The following GRIN2C variants were observed in gnomAD, a reference collection of about 807,000 sequenced individuals.
GRIN2C encodes the protein glutamate ionotropic receptor NMDA type subunit 2C.
GRIN2C carries 64 observed loss-of-function variants against 77.7 expected under a neutral mutation model. The observed-to-expected ratio is 0.82, with a 90% confidence interval of 0.67 to 1.01. GRIN2C has a LOEUF of 1.01. GRIN2C is among the 50% of genes least tolerant of loss of function. The pLI is 0.00. For synonymous variants in GRIN2C, 792 were observed against 643.4 expected, an observed-to-expected ratio of 1.23 and a Z score of -3.49; for missense variants, 1,549 against 1,486.0, an observed-to-expected ratio of 1.04 and a Z score of -0.70.
chr17:74,860,553 A>C (rs144620799), upstream of GRIN2C: 4 of 451,460 alleles, frequency 8.9e-6, 1 homozygote, highest in South Asian at 6.2e-5. Context: ...GAAACAGGAG[A>C]CTCGGGGCTT....
intron 1 of GRIN2C, among the ~76,000 whole-genome samples, chr17:74,856,481 C>CTTTT (rs35686686): frequency 0.056 from 7,583 of 135,180 alleles, 404 homozygotes; most frequent in South Asian, 0.16. Flanking sequence ...CTCTCTCTCT[C>CTTTT]TTTTTTTTTT....
chr17:74,860,522 C>T (rs2037927229), upstream of GRIN2C: 1 of 456,152 alleles, frequency 2.2e-6, no homozygotes, highest in Non-Finnish European at 4.4e-6. Flanking sequence ...CCGCGTGTCC[C>T]CGCCCTGCCC....
At chr17:74,845,119 AG>A (rs1180448765) in intron 11 of GRIN2C, among the ~76,000 whole-genome samples, 1 of 151,978 alleles carries the variant, frequency 6.6e-6, no homozygotes, top group Non-Finnish European at 1.5e-5. Flanking sequence ...TTGTAGAGAT[AG>A]GGTATCCCCA....
chr17:74,857,518 A>C (rs1022818245), intron 1 of GRIN2C, among the ~76,000 whole-genome samples: 2 of 152,194 alleles, frequency 1.3e-5, no homozygotes, highest in Admixed American at 1.3e-4. Context: ...GATCCTAGCC[A>C]TGCCATGCCA....
upstream of GRIN2C, chr17:74,861,393 A>C (rs976110854): frequency 6.6e-6 from 1 of 151,602 alleles, no homozygotes; most frequent in African/African-American, 2.4e-5. Context: ...GTTGGCGGCG[A>C]AGTTGGTGCC....
chr17:74,846,202 G>A lies in GRIN2C; in HGVS notation c.2214C>T (p.Gly738=). 1 of 1,614,174 alleles carries A rather than the reference G, an allele frequency of 6.2e-7. No individual in the cohort carries two copies. Among genetic ancestry groups the A allele is most frequent in the South Asian group, 1.1e-5 (1 of 91,080 alleles). ...TGACCAGCTTGCAGCCCTCGTCCTT[G>A]CCTGCCATGTAGTTGAGGACAGCAG... is the stretch of plus-strand genomic sequence containing the variant. ...YDAAVLNYMA[G]KDEGCKLVTI... is the part of the protein sequence containing the mutation. The change falls in exon 11 of 13, where the codon GGC becomes GGT. Residue 738 remains glycine, a synonymous_variant. Transcript: ENST00000293190. This position sits in a 1 kb window ranked among gnomAD's most constrained non-coding sequence, Gnocchi z 4.4.
Position 74,847,453 on chromosome 17 carries a change from T to C in GRIN2C, c.1856A>G (p.Asn619Ser). Residue 619 changes from asparagine to serine, a missense_variant, in exon 9 of 13, where the codon AAC (asparagine) becomes AGC (serine). Physicochemically the swap from Asn to Ser is conservative, Grantham distance 46. Coordinates refer to ENST00000293190, the MANE Select transcript of GRIN2C (RefSeq NM_000835.6). The surrounding 1 kb of genome is among the most constrained non-coding windows in gnomAD (Gnocchi z 5.2). ...GATCTTGCTGGTGGTGCCCCGCGGG[T>C]TCTCGATGGGCACTGAGTTGTTGAA... ...LVFNNSVPIENPRGTTSKIMV... is the reference protein window; with the variant it reads ...LVFNNSVPIESPRGTTSKIMV... The C allele has an allele frequency of 1.9e-6, 3 of 1,613,450 alleles. No individual in the cohort carries two copies. The South Asian group carries it at 3.3e-5, about 18-fold the overall frequency.
chr17:74,857,848 A>G (rs1398464390), intron 1 of GRIN2C, among the ~76,000 whole-genome samples: 1 of 152,248 alleles, frequency 6.6e-6, no homozygotes, highest in African/African-American at 2.4e-5. Context: ...CAACAGGGAA[A>G]AAGAATGTAA....
chr17:74,859,516 C>T lies in GRIN2C; in HGVS notation c.-16+228G>A, dbSNP rs1290778653. On this transcript the variant is annotated intron_variant, in intron 1 of 12. Transcript: ENST00000293190. The surrounding 1 kb of genome is among the most constrained non-coding windows in gnomAD (Gnocchi z 5.9). ...AGAACCCCCGGACCCCCTGCCCTTCCGGTGAGCCGCCCCTCCTTTGCCGTC... is the reference window on the plus strand; with the variant it reads ...AGAACCCCCGGACCCCCTGCCCTTCTGGTGAGCCGCCCCTCCTTTGCCGTC... Among the ~76,000 whole-genome samples, 3 of 152,134 alleles carry T rather than the reference C, an allele frequency of 2.0e-5. No homozygotes were observed. The highest frequency in any genetic ancestry group is 7.2e-5 in the African/African-American group (3 of 41,422).
chr17:74,843,513 C>T lies in GRIN2C; in HGVS notation c.2624G>A (p.Ser875Asn). The T allele has an allele frequency of 6.5e-7, 1 of 1,533,458 alleles. No individual in the cohort carries two copies. The highest frequency in any genetic ancestry group is 8.7e-7 in the Non-Finnish European group (1 of 1,146,454). 95.0% of individuals were successfully genotyped at this position (1,533,458 alleles called of 1,614,324 possible). ...SCFSGVQSLA[S>N]PPRQASPDLT... ...GTCCGGGCTGGCCTGCCGCGGTGGGCTGGCGAGGCTCTGCACCCCGCTGAA... is the reference window on the plus strand; with the variant it reads ...GTCCGGGCTGGCCTGCCGCGGTGGGTTGGCGAGGCTCTGCACCCCGCTGAA... Residue 875 changes from serine to asparagine, a missense_variant, in exon 13 of 13, where the codon AGC becomes AAC. By Grantham distance (46) the Ser-to-Asn change is conservative. Coordinates refer to ENST00000293190, the MANE Select transcript of GRIN2C (RefSeq NM_000835.6).
Position 74,842,353 on chromosome 17 carries a change from A to G in GRIN2C, c.*82T>C. 1 of 687,970 alleles carries G rather than the reference A, an allele frequency of 1.5e-6. No homozygotes were observed. The highest frequency in any genetic ancestry group is 2.7e-6 in the Non-Finnish European group (1 of 374,320). 42.6% of individuals were successfully genotyped at this position (687,970 alleles called of 1,614,324 possible). A position where few individuals can be genotyped will look rare whatever the true frequency, so the allele number is the denominator to read the frequency against. ...CCAGGATTTCATGGCAGAAGCCAGA[A>G]AAGCCCAATCCTGCCTGCCGCTTAA... On this transcript the variant is annotated 3_prime_UTR_variant, in exon 13 of 13. Coordinates refer to ENST00000293190, the MANE Select transcript of GRIN2C (RefSeq NM_000835.6).
chr17:74,844,241 A>G lies in GRIN2C; in HGVS notation c.2583+35T>C, dbSNP rs148627254. 8 of 1,609,842 alleles carry G rather than the reference A, an allele frequency of 5.0e-6. No individual in the cohort carries two copies. The East Asian group carries it at 1.8e-4, about 36-fold the overall frequency. On this transcript the variant is annotated intron_variant, in intron 12 of 12. Transcript: ENST00000293190. ...GACTTATCTGGGTAGGTGCCCTTAA[A>G]ACTTTGGCCTGTGTGGGGAGGGGTG... is the stretch of plus-strand genomic sequence containing the variant.
intron 12 of GRIN2C, 136 bp downstream of exon 12, chr17:74,844,140 T>C (rs1312716333): frequency 1.4e-6 from 2 of 1,449,844 alleles, no homozygotes; most frequent in South Asian, 1.4e-5. Flanking sequence ...TCTCAAAGTG[T>C]TGAGATTACA....
rs2037573379 is a variant in GRIN2C, at chr17:74,849,764, C to T, written c.1645+16G>A. 1 of 1,606,468 alleles carries T rather than the reference C, an allele frequency of 6.2e-7. No individual in the cohort carries two copies. Among genetic ancestry groups the T allele is most frequent in the Non-Finnish European group, 8.5e-7 (1 of 1,178,150 alleles). ...CCTCTGCCCCCGGAGCCGTCTCTGC[C>T]CACCCTGGGCCTCACCCAAGAAGGC... On this transcript the variant is annotated intron_variant, in intron 7 of 12. Transcript: ENST00000293190. This position sits in a 1 kb window ranked among gnomAD's most constrained non-coding sequence, Gnocchi z 4.6.
chr17:74,852,072 C>T lies in GRIN2C; in HGVS notation c.939G>A (p.Pro313=). The change falls in exon 3 of 13, where the codon CCG becomes CCA. Residue 313 remains proline, a synonymous_variant. Transcript: ENST00000293190. The part of the protein sequence containing the change: ...YWRQHGTLPA[P]AGDCRVHPGP... ...CAGGGTGAACACGGCAGTCCCCGGC[C>T]GGGGCTGGCAGGGTTCCATGCTGGC... is the stretch of plus-strand genomic sequence containing the variant. The T allele has an allele frequency of 2.1e-6, 3 of 1,456,358 alleles. No individual in the cohort carries two copies. Among genetic ancestry groups the T allele is most frequent in the Middle Eastern group, 2.0e-4 (1 of 5,110 alleles). The allele number at this position is 1,456,358 out of a possible 1,614,324, so 90.2% of individuals were successfully genotyped here.
In GRIN2C at chr17:74,849,068, A is replaced by G; in HGVS notation, c.1645+712T>C. Among the ~76,000 whole-genome samples the G allele has an allele frequency of 7.2e-6, 1 of 139,808 alleles. No homozygotes were observed. Among genetic ancestry groups the G allele is most frequent in the African/African-American group, 2.6e-5 (1 of 39,204 alleles). 91.7% of individuals were successfully genotyped at this position (139,808 alleles called of 152,430 possible). A position where few individuals can be genotyped will look rare whatever the true frequency, so the allele number is the denominator to read the frequency against. ...AAGGAAGAGTGGGAAGGAGAGAGGG[A>G]GGGAGGGAGGGAAATCAATCCTGCC... On this transcript the variant is annotated intron_variant, in intron 7 of 12. Transcript: ENST00000293190. The surrounding 1 kb of genome is among the most constrained non-coding windows in gnomAD (Gnocchi z 4.6).
In GRIN2C at chr17:74,846,717, A is replaced by G. The variant is rs762468311; in HGVS notation, c.2162+43T>C. ...TGAGAGCTAAGGCTGGTCACTGGGG[A>G]GACACACGGATGAAGACAGCGGGTG... On this transcript the variant is annotated intron_variant, in intron 10 of 12. Coordinates refer to ENST00000293190, the MANE Select transcript of GRIN2C (RefSeq NM_000835.6). The surrounding 1 kb of genome is among the most constrained non-coding windows in gnomAD (Gnocchi z 4.4). The G allele has an allele frequency of 1.3e-6, 2 of 1,586,700 alleles. No homozygotes were observed. The highest frequency in any genetic ancestry group is 1.3e-5 in the African/African-American group (1 of 74,544).
intron 1 of GRIN2C, among the ~76,000 whole-genome samples, chr17:74,855,951 G>T (rs1211349280): frequency 6.6e-6 from 1 of 152,236 alleles, no homozygotes; most frequent in Admixed American, 6.5e-5. Context: ...CAGAGCTCAG[G>T]GGTACCGGAA....
Position 74,859,341 on chromosome 17 carries a change from G to A in GRIN2C, c.-16+403C>T, listed in dbSNP as rs979071423. 1.3e-5 allele frequency among the ~76,000 whole-genome samples: 2 copies of A among 152,062 alleles called. No homozygotes were observed. The highest frequency in any genetic ancestry group is 2.9e-5 in the Non-Finnish European group (2 of 68,018). On this transcript the variant is annotated intron_variant, in intron 1 of 12. Transcript: ENST00000293190. This position sits in a 1 kb window ranked among gnomAD's most constrained non-coding sequence, Gnocchi z 5.9. ...CCAGGCTGGGGGCCTTCTCCTTCCCGGGTCCTCACAGCTCAGCCAGACCCC... is the reference window on the plus strand; with the variant it reads ...CCAGGCTGGGGGCCTTCTCCTTCCCAGGTCCTCACAGCTCAGCCAGACCCC...
Sources: gnomAD v4.1 joint callset for allele counts (sites outside exome capture counted in the v4.1 genomes callset) on GRCh38, gnomAD v4.1.1 for gene constraint, Gnocchi (gnomAD v3.1) non-coding constraint, MANE v1.5 for transcripts, NCBI Gene and HGNC (gene_info 2026-07-23, HGNC 2026-07-21) for gene names.